ZNHIT6: variants seen among roughly 807,000 people sequenced by gnomAD.
The protein encoded by ZNHIT6 is box C/D snoRNA protein 1.
A neutral mutation model predicts 57.2 loss-of-function variants in ZNHIT6; 45 were observed. The ratio of observed to expected loss-of-function variants is 0.79; its 90% confidence interval spans 0.62 to 1.01. The LOEUF (loss-of-function observed/expected upper bound fraction) is 1.01. ZNHIT6 is among the 50% of genes least tolerant of loss of function. ZNHIT6 has a pLI of 0.00. For synonymous variants in ZNHIT6, 188 were observed against 190.0 expected, an observed-to-expected ratio of 0.99 and a Z score of 0.09; for missense variants, 528 against 567.3, an observed-to-expected ratio of 0.93 and a Z score of 0.70.
In ZNHIT6 at chr1:85,688,531, T is replaced by G. The variant is rs528948574; in HGVS notation, c.1020-7627A>C. ...TAAAAGGTATAGTAGACATTTTGAC[T>G]ATTTACTTCGCAATCGTTCCCTACC... On this transcript the variant is annotated intron_variant, in intron 5 of 9. Transcript: ENST00000370574. Among the ~76,000 whole-genome samples, 3 of 152,352 alleles carry G rather than the reference T, an allele frequency of 2.0e-5. No homozygotes were observed. In the South Asian group the frequency reaches 6.2e-4, roughly 32 times the overall value.
At chr1:85,696,917 G>C (rs940330886) in intron 5 of ZNHIT6, among the ~76,000 whole-genome samples, 2 of 144,880 alleles carry the variant, frequency 1.4e-5, no homozygotes, top group African/African-American at 5.2e-5. Context: ...CTGGAGTGCA[G>C]TGGCGCAATC....
intron 6 of ZNHIT6, among the ~76,000 whole-genome samples, chr1:85,680,617 T>C (rs910615538): frequency 3.9e-5 from 6 of 152,236 alleles, no homozygotes; most frequent in Non-Finnish European, 7.3e-5. Context: ...TCATGTTCTC[T>C]ACATTCTTCC....
chr1:85,675,762 T>C lies in ZNHIT6; in HGVS notation c.1247+1474A>G, dbSNP rs1661683604. Among the ~76,000 whole-genome samples the C allele has an allele frequency of 3.3e-5, 5 of 152,350 alleles. No individual in the cohort carries two copies. In the South Asian group the frequency reaches 8.3e-4, roughly 25 times the overall value. On this transcript the variant is annotated intron_variant, in intron 8 of 9. Transcript: ENST00000370574. ...GTGTAGCCACCTTCATCAGTTATCTTAGCTAGATCTTCTGGATAACCTGCT... is the reference window on the plus strand; with the variant it reads ...GTGTAGCCACCTTCATCAGTTATCTCAGCTAGATCTTCTGGATAACCTGCT...
At position 85,702,227 on chromosome 1, in the gene ZNHIT6, C is replaced by T. The variant is rs1419897154; in HGVS notation, c.949G>A (p.Gly317Ser). 1.2e-6 allele frequency: 2 copies of T among 1,607,454 alleles called. No homozygotes were observed. The highest frequency in any genetic ancestry group is 1.7e-6 in the Non-Finnish European group (2 of 1,178,064). The change falls in exon 5 of 10, where the codon GGT becomes AGT. Residue 317 changes from glycine (G) to serine (S), a missense_variant. Coordinates refer to ENST00000370574, the MANE Select transcript of ZNHIT6 (RefSeq NM_017953.4). ...TTGGGTAGAAGTTTTAAGTTAATAC[C>T]TTGCCTCCGGGCACGATTTTTCATA... Reference protein sequence around the residue: ...YFMKNRARRQGINLKLLPNGF... With the variant: ...YFMKNRARRQSINLKLLPNGF...
intron 8 of ZNHIT6, among the ~76,000 whole-genome samples, chr1:85,660,262 T>C (rs1661188099): frequency 6.6e-6 from 1 of 152,210 alleles, no homozygotes; most frequent in African/African-American, 2.4e-5. Flanking sequence ...CAGGAACTTT[T>C]CAAGTGGCAT....
At chr1:85,658,255 G>A (rs1205436443) in intron 8 of ZNHIT6, among the ~76,000 whole-genome samples, 1 of 152,022 alleles carries the variant, frequency 6.6e-6, no homozygotes, top group Non-Finnish European at 1.5e-5. Flanking sequence ...TTGATATGGA[G>A]TCTCGCTTTG....
At chr1:85,683,305 T>C (rs906575142) in intron 5 of ZNHIT6, among the ~76,000 whole-genome samples, 10 of 152,194 alleles carry the variant, frequency 6.6e-5, no homozygotes, top group Admixed American at 5.9e-4. Flanking sequence ...GATCATGAGG[T>C]CAGGAGATCG....
chr1:85,665,999 A>C (rs1156654491), intron 8 of ZNHIT6, among the ~76,000 whole-genome samples: 2 of 152,160 alleles, frequency 1.3e-5, no homozygotes, highest in Admixed American at 1.3e-4. Context: ...TATAAAGCCA[A>C]TTTTGTGATT....
intron 5 of ZNHIT6, among the ~76,000 whole-genome samples, chr1:85,687,905 T>A (rs1255196938): frequency 6.6e-6 from 1 of 152,058 alleles, no homozygotes; most frequent in Admixed American, 6.5e-5. Context: ...TAGCTGGGTA[T>A]GGTGGCGTGC....
chr1:85,667,961 A>AAAAAAAAAAAAAAAAAAAATGTATATAT lies in ZNHIT6; in HGVS notation c.1247+9274_1247+9275insATATATACATTTTTTTTTTTTTTTTTTT. On this transcript the variant is annotated intron_variant, in intron 8 of 9. Coordinates refer to ENST00000370574, the MANE Select transcript of ZNHIT6 (RefSeq NM_017953.4). ...ACTCTCTCTTTCAAAAAAAAAAAAAAATATATATATATATATATATATATG... is the reference window on the plus strand; with the variant it reads ...ACTCTCTCTTTCAAAAAAAAAAAAAAAAAAAAAAAAAAAAAAAAATGTATATATATATATATATATATATATATATATG... 2.3e-3 allele frequency among the ~76,000 whole-genome samples: 41 copies of AAAAAAAAAAAAAAAAAAAATGTATATAT among 18,194 alleles called. 11 individuals are homozygous for AAAAAAAAAAAAAAAAAAAATGTATATAT. The highest frequency in any genetic ancestry group is 8.5e-3 in the African/African-American group (40 of 4,704). The allele number at this position is 18,194 out of a possible 152,430, so 11.9% of individuals were successfully genotyped here. A position where few individuals can be genotyped will look rare whatever the true frequency, so the allele number is the denominator to read the frequency against.
At chr1:85,680,943 A>C (rs747522480) in intron 5 of ZNHIT6, 39 bp from the exon 6 acceptor site, 7 of 1,492,908 alleles carry the variant, frequency 4.7e-6, no homozygotes, top group Non-Finnish European at 6.5e-6. Context: ...CAAGGTAGAT[A>C]ATAAAAGTCT....
chr1:85,657,980 T>TA lies in ZNHIT6; in HGVS notation c.1248-10dup, dbSNP rs150031530. 0.011 allele frequency: 15,699 copies of TA among 1,401,170 alleles called. 248 individuals carry two copies. The highest frequency in any genetic ancestry group is 0.087 in the African/African-American group (5,889 of 67,676). The allele number at this position is 1,401,170 out of a possible 1,614,324, so 86.8% of individuals were successfully genotyped here. A position where few individuals can be genotyped will look rare whatever the true frequency, so the allele number is the denominator to read the frequency against. On this transcript the variant is annotated splice_polypyrimidine_tract_variant and intron_variant, in intron 8 of 9. Transcript: ENST00000370574. ...GATCTAGTTCATAATATCTTATTAA[T>TA]AAAAAAAAACAAAAAACCAGGAAAC...
chr1:85,691,805 G>A (rs1662228349), intron 5 of ZNHIT6, among the ~76,000 whole-genome samples: 1 of 152,114 alleles, frequency 6.6e-6, no homozygotes, highest in African/African-American at 2.4e-5. Context: ...AGAATCATTT[G>A]AACCCAAGAG....
At chr1:85,667,495 A>C (rs1013499907) in intron 8 of ZNHIT6, among the ~76,000 whole-genome samples, 8 of 152,050 alleles carry the variant, frequency 5.3e-5, no homozygotes, top group African/African-American at 1.9e-4. Flanking sequence ...GACATCCTAC[A>C]AGTTTAAGTA....
chr1:85,683,168 G>A (rs1169944078), intron 5 of ZNHIT6, among the ~76,000 whole-genome samples: 2 of 152,148 alleles, frequency 1.3e-5, no homozygotes, highest in Non-Finnish European at 1.5e-5. Flanking sequence ...AGTGAACTGC[G>A]ACTGCGTCAC....
rs750864551 is a variant in ZNHIT6, at chr1:85,657,989, AC to A, written c.1248-19del. 5.0e-6 allele frequency: 7 copies of A among 1,406,044 alleles called. No individual in the cohort carries two copies. The African/African-American group carries it at 7.3e-5, about 15-fold the overall frequency. 87.1% of individuals were successfully genotyped at this position (1,406,044 alleles called of 1,614,324 possible). ...CATAATATCTTATTAATAAAAAAAA[AC>A]AAAAAACCAGGAAACACTCTTAATA... is the stretch of plus-strand genomic sequence containing the variant. On this transcript the variant is annotated intron_variant, in intron 8 of 9. Coordinates refer to ENST00000370574, the MANE Select transcript of ZNHIT6 (RefSeq NM_017953.4).
intron 4 of ZNHIT6, among the ~76,000 whole-genome samples, chr1:85,703,525 C>T (rs965226427): frequency 1.3e-5 from 2 of 152,120 alleles, no homozygotes; most frequent in Non-Finnish European, 2.9e-5. Context: ...GGTGGTCCTA[C>T]AGAGCAATAG....
At chr1:85,672,843 T>C (rs535615801) in intron 8 of ZNHIT6, among the ~76,000 whole-genome samples, 62 of 148,902 alleles carry the variant, frequency 4.2e-4, no homozygotes, top group South Asian at 1.3e-3. Flanking sequence ...AGCAGCAAAG[T>C]AAACATAAAA....
chr1:85,706,649 C>T, intron 1 of ZNHIT6, 142 bp from the exon 2 acceptor site: 1 of 755,726 alleles, frequency 1.3e-6, no homozygotes, highest in Non-Finnish European at 1.9e-6. Context: ...TTTGAAAATT[C>T]TTCTCTATGA....
Sources: gnomAD v4.1 joint callset for allele counts (sites outside exome capture counted in the v4.1 genomes callset) on GRCh38, gnomAD v4.1.1 for gene constraint, MANE v1.5 for transcripts, NCBI Gene and HGNC (gene_info 2026-07-23, HGNC 2026-07-21) for gene names.